The following DRP2 variants were observed in gnomAD, a reference collection of about 807,000 sequenced individuals.
DRP2 encodes dystrophin related protein 2.
In DRP2, 29 loss-of-function variants were observed where a neutral mutation model predicts 78.2. That is an observed-to-expected ratio of 0.37 (90% CI 0.28 to 0.51). DRP2 has a LOEUF of 0.51. DRP2 is among the 20% of genes least tolerant of loss of function. The probability of loss-of-function intolerance (pLI) is 0.94; values close to 1 mark genes in which losing one functional copy is unlikely to be tolerated. For synonymous variants in DRP2, 290 were observed against 281.9 expected, an observed-to-expected ratio of 1.03 and a Z score of -0.29; for missense variants, 686 against 770.6, an observed-to-expected ratio of 0.89 and a Z score of 1.30.
At chrX:101,256,051 C>T (rs1923323251) in intron 20 of DRP2, 67 bp from the exon 21 acceptor site, 1 of 1,104,798 alleles carries the variant, frequency 9.1e-7, no homozygotes, top group Admixed American at 3.1e-5. Context: ...GGGGCCTGAG[C>T]TGAGAGCTGA....
Position 101,241,672 on chromosome X carries a change from C to A in DRP2, c.564C>A (p.Thr188=). The part of the protein sequence containing the change: ...LEEPHSESKD[T]SPKQRIQNLS... ...GCTTCCTGCCTCCTCTTGCAGATAC[C>A]TCCCCGAAACAGCGGATCCAGAATC... is the stretch of plus-strand genomic sequence containing the variant. Residue 188 remains threonine (T), a synonymous_variant, in exon 7 of 24, where the codon ACC becomes ACA. Coordinates refer to ENST00000395209, the MANE Select transcript of DRP2 (RefSeq NM_001939.3). 1 of 1,210,375 alleles carries A rather than the reference C, an allele frequency of 8.3e-7. No individual in the cohort carries two copies. The highest frequency in any genetic ancestry group is 1.1e-6 in the Non-Finnish European group (1 of 894,565).
chrX:101,255,081 G>A, intron 19 of DRP2, 103 bp from the exon 20 acceptor site: 1 of 1,063,530 alleles, frequency 9.4e-7, no homozygotes, highest in Non-Finnish European at 1.3e-6. Flanking sequence ...GAGTAGTTGG[G>A]GCAGCTCTCA....
chrX:101,256,715 AT>A (rs35411558), intron 21 of DRP2, among the ~76,000 whole-genome samples: 39,066 of 94,321 alleles, frequency 0.41, 7,177 homozygotes, highest in African/African-American at 0.59. Flanking sequence ...TGCCTGGCTA[AT>A]TTTTTTTTTT....
chrX:101,255,375 G>A (rs2147351807), intron 20 of DRP2, 126 bp downstream of exon 20: 1 of 681,172 alleles, frequency 1.5e-6, no homozygotes, highest in Non-Finnish European at 2.2e-6. Context: ...AGCTCCCTAA[G>A]GAAGGAAGGC....
At chrX:101,252,753 GCT>G in intron 17 of DRP2, 37 bp downstream of exon 17, 1 of 1,096,630 alleles carries the variant, frequency 9.1e-7, no homozygotes, top group Non-Finnish European at 1.3e-6. Flanking sequence ...GGGTTAGGCA[GCT>G]CTCAGGTACT....
intron 23 of DRP2, 44 bp from the exon 24 acceptor site, chrX:101,260,453 A>C: frequency 8.4e-7 from 1 of 1,186,832 alleles, no homozygotes; most frequent in Non-Finnish European, 1.1e-6. Context: ...GGCCTCATAA[A>C]GGAGTCTCTA....
At position 101,262,816 on chromosome X, in the gene DRP2, T is replaced by C; in HGVS notation, c.*2195T>C. 1 of 84,899 alleles carries C rather than the reference T, an allele frequency of 1.2e-5. No homozygotes were observed. 7.0% of individuals were successfully genotyped at this position (84,899 alleles called of 1,213,427 possible). The stretch of plus-strand genomic sequence containing the variant: ...AGCATATTTGTAGAAGCCTAGATTG[T>C]GGGCGGGAATGTGGGACGGAGGGCT... On this transcript the variant is annotated 3_prime_UTR_variant, in exon 24 of 24. Transcript: ENST00000395209.
chrX:101,221,067 G>A (rs1489733630), intron 1 of DRP2, among the ~76,000 whole-genome samples: 1 of 111,828 alleles, frequency 8.9e-6, no homozygotes, highest in African/African-American at 3.3e-5. Flanking sequence ...CACAGGTGTT[G>A]GGTCTAAGCA....
chrX:101,224,405 AC>A (rs1922041264), intron 1 of DRP2, among the ~76,000 whole-genome samples, 198 bp from the exon 2 acceptor site: 2 of 3,829 alleles, frequency 5.2e-4, no homozygotes, highest in Non-Finnish European at 8.4e-3. Flanking sequence ...AAAAAAAAAA[AC>A]AAAAAAAAGC....
chrX:101,223,780 C>T (rs895977292), intron 1 of DRP2, among the ~76,000 whole-genome samples: 12 of 111,905 alleles, frequency 1.1e-4, no homozygotes, highest in African/African-American at 3.9e-4. Context: ...GAATACGTTT[C>T]CTTGTTTTCA....
chrX:101,243,037 A>G (rs1487295238), intron 9 of DRP2, 55 bp downstream of exon 9: 1 of 1,106,223 alleles, frequency 9.0e-7, no homozygotes, highest in African/African-American at 1.8e-5. Context: ...CTTCCTGGAG[A>G]GTCTATTGTT....
Position 101,247,953 on chromosome X carries a change from C to T in DRP2, c.1253-136C>T, listed in dbSNP as rs1922987631. On this transcript the variant is annotated intron_variant, in intron 12 of 23. Coordinates refer to ENST00000395209, the MANE Select transcript of DRP2 (RefSeq NM_001939.3). ...GATGAGGGTCTTAGTAAAGGACAAG[C>T]TTGTATCATATTTGCAAATGGTTGA... The T allele has an allele frequency of 9.0e-6, 5 of 552,768 alleles. No homozygotes were observed. The East Asian group carries it at 1.8e-4, about 20-fold the overall frequency. The allele number at this position is 552,768 out of a possible 1,213,427, so 45.6% of individuals were successfully genotyped here.
intron 9 of DRP2, among the ~76,000 whole-genome samples, chrX:101,244,015 G>A (rs1479427204): frequency 8.9e-6 from 1 of 111,864 alleles, no homozygotes; most frequent in African/African-American, 3.3e-5. Context: ...AGCAAAGTGT[G>A]GGGGAGTAGG....
intron 22 of DRP2, among the ~76,000 whole-genome samples, chrX:101,259,401 C>T (rs1194503894): frequency 9.0e-6 from 1 of 111,637 alleles, no homozygotes; most frequent in African/African-American, 3.3e-5. Flanking sequence ...TGAAACTCTA[C>T]ATTTCCAGAG....
chrX:101,242,574 G>C (rs1922773000), intron 8 of DRP2, 103 bp downstream of exon 8: 16 of 1,003,541 alleles, frequency 1.6e-5, no homozygotes, highest in Non-Finnish European at 2.2e-5. Flanking sequence ...CATGGGAAAA[G>C]AGGAGTGGAG....
At chrX:101,247,185 C>T in intron 12 of DRP2, 21 bp downstream of exon 12, 1 of 1,179,112 alleles carries the variant, frequency 8.5e-7, no homozygotes, top group Non-Finnish European at 1.1e-6. Flanking sequence ...TGTTGTACTT[C>T]CCTATGACGT....
chrX:101,238,559 G>T (rs944345804), intron 5 of DRP2, among the ~76,000 whole-genome samples: 1 of 111,516 alleles, frequency 9.0e-6, no homozygotes, highest in African/African-American at 3.3e-5. Context: ...ATAGAGTTCT[G>T]TTTCTTGATC....
At chrX:101,235,536 AC>A (rs1314329927) in intron 3 of DRP2, among the ~76,000 whole-genome samples, 1 of 112,143 alleles carries the variant, frequency 8.9e-6, no homozygotes, top group African/African-American at 3.2e-5. Flanking sequence ...TACTTCCAAG[AC>A]CCCATCTGGG....
chrX:101,251,055 T>A lies in DRP2; in HGVS notation c.1837T>A (p.Cys613Ser). The change falls in exon 16 of 24, where the codon TGT (cysteine) becomes AGT (serine). Residue 613 changes from cysteine to serine, a missense_variant. By Grantham distance (112) the Cys-to-Ser change is moderately radical (BLOSUM62 -1). This residue lies in a region of DRP2 where 423 missense variants were observed against 531.5 expected (regional missense o/e 0.80). Coordinates refer to ENST00000395209, the MANE Select transcript of DRP2 (RefSeq NM_001939.3). ...GAAGCATCAGACCAAGTGCTCTATC[T>A]GTAGGCAGTGCCCCATCAAGGGGTT... ...QVKHQTKCSI[C>S]RQCPIKGFRY... The A allele has an allele frequency of 8.3e-7, 1 of 1,210,494 alleles. No individual in the cohort carries two copies. The highest frequency in any genetic ancestry group is 1.1e-6 in the Non-Finnish European group (1 of 894,917).
Sources: allele counts gnomAD v4.1 joint callset (sites outside exome capture counted in the v4.1 genomes callset), GRCh38; gene constraint gnomAD v4.1.1; regional missense constraint gnomAD v4.1.1; transcripts MANE v1.5; gene names NCBI Gene and HGNC (gene_info 2026-07-23, HGNC 2026-07-21).